The following BMPR2 variants were observed in gnomAD, a reference collection of about 807,000 sequenced individuals.
BMPR2 encodes the protein bone morphogenetic protein receptor type 2.
BMPR2 carries 29 observed loss-of-function variants against 100.8 expected under a neutral mutation model. That is an observed-to-expected ratio of 0.29 (90% CI 0.21 to 0.39). The LOEUF is 0.39. BMPR2 is among the 10% of genes least tolerant of loss of function. BMPR2 has a pLI of 1.00. For synonymous variants in BMPR2, 382 were observed against 442.3 expected (o/e 0.86, Z 1.71); for missense variants, 1,011 against 1,274.5 (o/e 0.79, Z 3.15).
chr2:202,502,099 G>A (rs911365158), intron 3 of BMPR2, among the ~76,000 whole-genome samples: 14 of 152,224 alleles, frequency 9.2e-5, no homozygotes, highest in African/African-American at 2.9e-4. Context: ...AACTGGGAAA[G>A]GGAAAAAGAA....
intron 12 of BMPR2, among the ~76,000 whole-genome samples, chr2:202,557,100 G>A (rs1190604940): frequency 6.6e-6 from 1 of 152,020 alleles, no homozygotes; most frequent in African/African-American, 2.4e-5. Context: ...TGAGGCCAGG[G>A]CAGGTGGATC....
intron 1 of BMPR2, among the ~76,000 whole-genome samples, chr2:202,445,056 C>G (rs1333298645): frequency 2.0e-5 from 3 of 149,898 alleles, no homozygotes; most frequent in Non-Finnish European, 4.4e-5. Flanking sequence ...CCAAAGTGCT[C>G]GGATTACGGG....
chr2:202,490,606 A>G (rs1692881400), intron 3 of BMPR2, among the ~76,000 whole-genome samples: 2 of 152,246 alleles, frequency 1.3e-5, no homozygotes, highest in African/African-American at 2.4e-5. Flanking sequence ...AAACCAAGAT[A>G]GAGTTGGATT....
intron 7 of BMPR2, among the ~76,000 whole-genome samples, chr2:202,527,681 G>A (rs1406726380): frequency 6.6e-6 from 1 of 151,818 alleles, no homozygotes; most frequent in Non-Finnish European, 1.5e-5. Flanking sequence ...CAGCTACTCG[G>A]GAGGCTGAGG....
intron 1 of BMPR2, among the ~76,000 whole-genome samples, chr2:202,387,147 G>C (rs548912447): frequency 6.6e-6 from 1 of 151,922 alleles, no homozygotes; most frequent in Non-Finnish European, 1.5e-5. Flanking sequence ...ACTTTCATTG[G>C]GCTTTTAACT....
At chr2:202,451,795 G>T (rs1396553870) in intron 1 of BMPR2, among the ~76,000 whole-genome samples, 1 of 151,984 alleles carries the variant, frequency 6.6e-6, no homozygotes, top group East Asian at 1.9e-4. Flanking sequence ...TGTTGCCCAG[G>T]CTGGAGTGCA....
At chr2:202,541,489 T>C (rs924200094) in intron 9 of BMPR2, among the ~76,000 whole-genome samples, 4 of 152,198 alleles carry the variant, frequency 2.6e-5, no homozygotes, top group African/African-American at 9.6e-5. Flanking sequence ...ATCATAAATA[T>C]TTTTGTAACA....
At chr2:202,473,855 C>T (rs1434872661) in intron 3 of BMPR2, among the ~76,000 whole-genome samples, 1 of 151,504 alleles carries the variant, frequency 6.6e-6, no homozygotes, top group Non-Finnish European at 1.5e-5. Context: ...GCCTGTAATC[C>T]CAGCACGTTG....
intron 1 of BMPR2, among the ~76,000 whole-genome samples, chr2:202,391,501 A>T (rs1182793687): frequency 6.6e-6 from 1 of 150,876 alleles, no homozygotes; most frequent in East Asian, 2.0e-4. Flanking sequence ...GATGGGGGCT[A>T]GGCTGCTCTT....
rs545647647 is a variant in BMPR2 at position 202,419,975 on chromosome 2, C to T, written c.76+42425C>T. On this transcript the variant is annotated intron_variant, in intron 1 of 12. Transcript: ENST00000374580. ...ACCAGTCTGGCCAACATAGTGAGAC[C>T]TCGTATCTATTTTACATATTTTAAA... Among the ~76,000 whole-genome samples, 138 of 151,986 alleles carry T rather than the reference C, an allele frequency of 9.1e-4. 1 individual carries two copies. Among genetic ancestry groups the T allele is most frequent in the African/African-American group, 3.1e-3 (130 of 41,448 alleles).
chr2:202,439,519 T>C lies in BMPR2; in HGVS notation c.77-25290T>C, dbSNP rs551508515. Among the ~76,000 whole-genome samples the C allele has an allele frequency of 1.2e-4, 18 of 149,436 alleles. 1 individual carries two copies. The highest frequency in any genetic ancestry group is 2.0e-4 in the Admixed American group (3 of 15,196). On this transcript the variant is annotated intron_variant, in intron 1 of 12. Coordinates refer to ENST00000374580, the MANE Select transcript of BMPR2 (RefSeq NM_001204.7). ...AGACCATGCCATCTTCAAACAGAGA[T>C]GACTTGACTTCTTCCTTTCTAATCT...
At chr2:202,488,988 T>A (rs906016942) in intron 3 of BMPR2, among the ~76,000 whole-genome samples, 1 of 151,268 alleles carries the variant, frequency 6.6e-6, no homozygotes, top group Non-Finnish European at 1.5e-5. Context: ...ATAAGGTATC[T>A]GTCTTTTTGT....
intron 3 of BMPR2, among the ~76,000 whole-genome samples, chr2:202,485,564 T>TTTTTTTTTTG (rs57387384): frequency 7.1e-6 from 1 of 140,094 alleles, no homozygotes; most frequent in Non-Finnish European, 1.5e-5. Context: ...TTTTTTTTTT[T>TTTTTTTTTTG]GAGACAGAGT....
intron 11 of BMPR2, 63 bp downstream of exon 11, chr2:202,552,951 T>C: frequency 1.3e-6 from 2 of 1,588,324 alleles, no homozygotes; most frequent in Non-Finnish European, 1.7e-6. Flanking sequence ...CAACAAAGAA[T>C]AGAAAATAAA....
intron 1 of BMPR2, among the ~76,000 whole-genome samples, chr2:202,426,563 C>T (rs956301365): frequency 1.0e-4 from 12 of 119,416 alleles, no homozygotes; most frequent in Admixed American, 4.1e-4. Flanking sequence ...AGCAAGTCTC[C>T]GTCTCAAAAA....
At chr2:202,540,642 A>G (rs1405219271) in intron 9 of BMPR2, among the ~76,000 whole-genome samples, 1 of 152,236 alleles carries the variant, frequency 6.6e-6, no homozygotes, top group Admixed American at 6.5e-5. Context: ...AACAAAACTT[A>G]AATGAAACAT....
chr2:202,534,376 C>G (rs1688086261), intron 9 of BMPR2, among the ~76,000 whole-genome samples: 1 of 151,516 alleles, frequency 6.6e-6, no homozygotes, highest in Non-Finnish European at 1.5e-5. Context: ...GAACAAAGGT[C>G]TCTGGTTTTC....
chr2:202,381,688 G>A (rs4303700), intron 1 of BMPR2, among the ~76,000 whole-genome samples: 24,835 of 152,162 alleles, frequency 0.16, 2,404 homozygotes, highest in Middle Eastern at 0.24. Flanking sequence ...CAGAAGGGAG[G>A]CTTTTCTTAC....
At chr2:202,399,552 C>T (rs1175729357) in intron 1 of BMPR2, among the ~76,000 whole-genome samples, 2 of 152,154 alleles carry the variant, frequency 1.3e-5, no homozygotes, top group African/African-American at 2.4e-5. Flanking sequence ...ATAAGAAATG[C>T]TTTAGAAAGA....
Sources: gnomAD v4.1 joint callset for allele counts (sites outside exome capture counted in the v4.1 genomes callset) on GRCh38, gnomAD v4.1.1 for gene constraint, MANE v1.5 for transcripts, NCBI Gene and HGNC (gene_info 2026-07-23, HGNC 2026-07-21) for gene names.